Variants in MAP4K4 observed in about 807,000 individuals in gnomAD.
MAP4K4 encodes HPK/GCK-like kinase HGK.
A neutral mutation model predicts 189.6 loss-of-function variants in MAP4K4; 38 were observed. The ratio of observed to expected loss-of-function variants is 0.20; its 90% CI spans 0.15 to 0.26. MAP4K4 has a LOEUF of 0.26. MAP4K4 is among the 10% of genes least tolerant of loss of function. The pLI is 1.00. For missense variants in MAP4K4, 1,054 were observed against 1,726.9 expected, an observed-to-expected ratio of 0.61 and a Z score of 6.91; for synonymous variants, 610 against 624.3, an observed-to-expected ratio of 0.98 and a Z score of 0.34.
intron 2 of MAP4K4, among the ~76,000 whole-genome samples, chr2:101,761,550 CTTT>C (rs1006689878): frequency 1.6e-5 from 2 of 127,010 alleles, no homozygotes; most frequent in African/African-American, 2.9e-5. Flanking sequence ...TGGGAGCATT[CTTT>C]TTTTTTTTTT....
At chr2:101,869,066 T>G (rs2097904469) in intron 21 of MAP4K4, among the ~76,000 whole-genome samples, 1 of 151,990 alleles carries the variant, frequency 6.6e-6, no homozygotes, top group Non-Finnish European at 1.5e-5. Context: ...AAATGTTGAT[T>G]TTAGTAAAAT....
At chr2:101,787,236 A>G (rs2091608699) in intron 2 of MAP4K4, among the ~76,000 whole-genome samples, 1 of 152,188 alleles carries the variant, frequency 6.6e-6, no homozygotes, top group African/African-American at 2.4e-5. Context: ...AACATGATGT[A>G]TTGCTCATCT....
At chr2:101,771,381 G>T (rs1368023195) in intron 2 of MAP4K4, among the ~76,000 whole-genome samples, 2 of 152,200 alleles carry the variant, frequency 1.3e-5, no homozygotes. Context: ...GAAGATGGCA[G>T]TGGAACGGTG....
chr2:101,803,245 A>ATGATGTGTGTGTGTG (rs1553484242), intron 3 of MAP4K4, among the ~76,000 whole-genome samples: 12 of 150,356 alleles, frequency 8.0e-5, no homozygotes, highest in Non-Finnish European at 8.9e-5. Flanking sequence ...GATGATGATG[A>ATGATGTGTGTGTGTG]TGTGTGTGTG....
Position 101,869,776 on chromosome 2 carries a change from G to A in MAP4K4, c.2618G>A (p.Gly873Glu), listed in dbSNP as rs1201060958. 3 of 1,575,878 alleles carry A rather than the reference G, an allele frequency of 1.9e-6. No individual in the cohort carries two copies. In the Admixed American group the frequency reaches 5.6e-5, roughly 29 times the overall value. ...GAAGGGGCTGACGAGTCCACCTCAG[G>A]ACCAGAGGACACCAGAGCAGCGTCA... Residue 873 changes from glycine to glutamate, a missense_variant, in exon 22 of 33, where the codon GGA becomes GAA. Around this residue, in one of 4 missense-constraint regions of MAP4K4, gnomAD observed 646 missense variants for 796.2 expected, o/e 0.81. Coordinates refer to ENST00000324219, the Ensembl canonical transcript of MAP4K4.
chr2:101,892,673 G>A (rs1303040272), exon 33 of MAP4K4: 1 of 330,642 alleles, frequency 3.0e-6, no homozygotes, highest in Non-Finnish European at 6.0e-6. Context: ...GGCATCTTCT[G>A]TGTTTTAGGT....
At chr2:101,850,109 T>A (rs58076077) in intron 12 of MAP4K4, among the ~76,000 whole-genome samples, 1,599 of 152,242 alleles carry the variant, frequency 0.011, 32 homozygotes, top group African/African-American at 0.037. Context: ...CTTCCTCAAC[T>A]AAGGGTAAAT....
rs1041720591 is a variant in MAP4K4, at chr2:101,783,725, T to C, written c.124-6995T>C. Among the ~76,000 whole-genome samples the C allele has an allele frequency of 7.2e-5, 11 of 152,134 alleles. No homozygotes were observed. The East Asian group carries it at 1.3e-3, about 19-fold the overall frequency. ...CCACTAAAAAGTCAACGAACAAATATCAAGAAACAAAGCTTCCCAGTTGGT... is the reference window on the plus strand; with the variant it reads ...CCACTAAAAAGTCAACGAACAAATACCAAGAAACAAAGCTTCCCAGTTGGT... On this transcript the variant is annotated intron_variant, in intron 2 of 32. Transcript: ENST00000324219.
exon 18 of MAP4K4, chr2:101,864,993 A>G (rs570243828): frequency 1.1e-5 from 17 of 1,575,952 alleles, no homozygotes; most frequent in Admixed American, 1.8e-5. Flanking sequence ...ACTGCAGGGC[A>G]GTGGGCAGCA....
chr2:101,744,476 T>C (rs2064281513), intron 2 of MAP4K4, among the ~76,000 whole-genome samples: 1 of 152,192 alleles, frequency 6.6e-6, no homozygotes, highest in Non-Finnish European at 1.5e-5. Flanking sequence ...TTTTTACTAC[T>C]TAATGAACTT....
At chr2:101,855,826 G>A (rs1390301080) in intron 12 of MAP4K4, 151 bp from the exon 13 acceptor site, 2 of 642,492 alleles carry the variant, frequency 3.1e-6, no homozygotes, top group Non-Finnish European at 5.3e-6. Context: ...ATGGGTCCGA[G>A]GGGCAGTGTG....
intron 2 of MAP4K4, among the ~76,000 whole-genome samples, chr2:101,780,090 T>C (rs2086546329): frequency 6.6e-6 from 1 of 152,224 alleles, no homozygotes; most frequent in African/African-American, 2.4e-5. Flanking sequence ...TTTATATGAA[T>C]AGTGTACATA....
At chr2:101,863,244 A>G (rs2097716679) in intron 16 of MAP4K4, among the ~76,000 whole-genome samples, 1 of 152,206 alleles carries the variant, frequency 6.6e-6, no homozygotes, top group Admixed American at 6.5e-5. Flanking sequence ...TAGACTTGGG[A>G]AAAATAAGAA....
At chr2:101,739,948 A>G (rs908111983) in intron 2 of MAP4K4, among the ~76,000 whole-genome samples, 1 of 152,066 alleles carries the variant, frequency 6.6e-6, no homozygotes, top group South Asian at 2.1e-4. Flanking sequence ...GGCCCTTCCT[A>G]TGCTTTGGGG....
intron 2 of MAP4K4, among the ~76,000 whole-genome samples, chr2:101,723,860 C>T (rs1469430510): frequency 6.6e-6 from 1 of 152,146 alleles, no homozygotes; most frequent in Non-Finnish European, 1.5e-5. Context: ...CCTCTCACAG[C>T]ATTTCATGTC....
intron 2 of MAP4K4, among the ~76,000 whole-genome samples, chr2:101,747,716 A>G (rs1379406072): frequency 2.6e-5 from 4 of 152,030 alleles, no homozygotes; most frequent in Non-Finnish European, 5.9e-5. Context: ...CTTTGGATAG[A>G]GATTAGAAAA....
intron 2 of MAP4K4, among the ~76,000 whole-genome samples, chr2:101,764,508 G>A (rs2077767405): frequency 6.6e-6 from 1 of 152,170 alleles, no homozygotes; most frequent in African/African-American, 2.4e-5. Flanking sequence ...ATATTAATAT[G>A]TGCAAGGACA....
At chr2:101,806,288 C>G (rs1227678034) in intron 3 of MAP4K4, among the ~76,000 whole-genome samples, 2 of 152,050 alleles carry the variant, frequency 1.3e-5, no homozygotes, top group South Asian at 2.1e-4. Flanking sequence ...CCCCCCAGGC[C>G]CCTTGGGGAT....
Position 101,831,705 on chromosome 2 carries a change from T to A in MAP4K4, c.509-16T>A, listed in dbSNP as rs2096601156. 6.3e-7 allele frequency: 1 copy of A among 1,583,402 alleles called. No homozygotes were observed. The highest frequency in any genetic ancestry group is 1.3e-5 in the African/African-American group (1 of 74,608). The stretch of plus-strand genomic sequence containing the variant: ...GTGTTTATCTTTCTTTATCTGCCTT[T>A]TTCTTCCTCCCACAGTTGACTTTGG... On this transcript the variant is annotated splice_polypyrimidine_tract_variant and intron_variant, in intron 6 of 32. Coordinates refer to ENST00000324219, the Ensembl canonical transcript of MAP4K4.
Sources: gnomAD v4.1 joint callset for allele counts (sites outside exome capture counted in the v4.1 genomes callset) on GRCh38, gnomAD v4.1.1 for gene constraint, gnomAD v4.1.1 regional missense constraint, MANE v1.5 for transcripts, NCBI Gene and HGNC (gene_info 2026-07-23, HGNC 2026-07-21) for gene names.